The following DYNC1I1 variants were observed in gnomAD, a reference collection of about 807,000 sequenced individuals.
DYNC1I1 encodes the protein dynein cytoplasmic 1 intermediate chain 1.
A neutral mutation model predicts 86.6 loss-of-function variants in DYNC1I1; 43 were observed. The observed-to-expected ratio is 0.50, with a 90% CI of 0.39 to 0.64. DYNC1I1 has a LOEUF of 0.64. Ranked by LOEUF, DYNC1I1 falls within the 30% of genes least tolerant of loss-of-function variation. The pLI, the probability that DYNC1I1 is intolerant of heterozygous loss-of-function variation, is 0.00. For missense variants in DYNC1I1, 604 were observed against 788.8 expected (o/e 0.77, Z 2.81); for synonymous variants, 262 against 283.7 (o/e 0.92, Z 0.77).
intron 16 of DYNC1I1, among the ~76,000 whole-genome samples, chr7:96,094,203 C>T (rs1009415518): frequency 2.0e-5 from 3 of 152,086 alleles, no homozygotes; most frequent in Non-Finnish European, 4.4e-5. Context: ...AATTCAAACA[C>T]AGTGCCTGAC....
chr7:96,030,098 TGGC>T, intron 11 of DYNC1I1, among the ~76,000 whole-genome samples: 2 of 152,046 alleles, frequency 1.3e-5, no homozygotes, highest in Middle Eastern at 3.2e-3. Flanking sequence ...CTTTCACTAT[TGGC>T]TGACTGATTG....
intron 6 of DYNC1I1, among the ~76,000 whole-genome samples, chr7:95,890,430 G>A (rs537381825): frequency 1.1e-4 from 16 of 152,172 alleles, no homozygotes; most frequent in Middle Eastern, 3.4e-3. Context: ...CCTCCTTGAC[G>A]GTGGAGGGTG....
chr7:95,962,420 C>CCA lies in DYNC1I1; in HGVS notation c.491-15092_491-15091insCA, dbSNP rs1792894992. On this transcript the variant is annotated intron_variant, in intron 6 of 16. Coordinates refer to ENST00000447467, the MANE Select transcript of DYNC1I1 (RefSeq NM_001135556.2). ...ATAATAGCTGCTTCTGTGGGTCTTT[C>CCA]TAGCCCTTTGTTTCTGTGATTATTA... Among the ~76,000 whole-genome samples, 8 of 152,334 alleles carry CCA rather than the reference C, an allele frequency of 5.3e-5. No individual in the cohort carries two copies. The South Asian group carries it at 8.3e-4, about 16-fold the overall frequency.
At chr7:96,088,093 T>C (rs1254547641) in intron 16 of DYNC1I1, among the ~76,000 whole-genome samples, 2 of 152,148 alleles carry the variant, frequency 1.3e-5, no homozygotes, top group African/African-American at 4.8e-5. Context: ...TTGATAATTA[T>C]ATATGTAAAA....
intron 6 of DYNC1I1, among the ~76,000 whole-genome samples, chr7:95,954,690 G>T (rs1439997866): frequency 1.3e-5 from 2 of 152,030 alleles, no homozygotes; most frequent in Admixed American, 6.6e-5. Context: ...GAGGCAGGCG[G>T]ATCACGAGGT....
chr7:95,977,155 G>A (rs543930562), intron 6 of DYNC1I1, among the ~76,000 whole-genome samples: 1 of 152,296 alleles, frequency 6.6e-6, no homozygotes, highest in East Asian at 1.9e-4. Flanking sequence ...TGTGGGAAAT[G>A]TGCTCCAGGT....
At chr7:96,103,161 G>A (rs555793614), downstream of DYNC1I1, among the ~76,000 whole-genome samples, 5 of 152,162 alleles carry the variant, frequency 3.3e-5, no homozygotes, top group African/African-American at 7.2e-5. Context: ...TGTGTGAGCC[G>A]CTGAAAGAAG....
rs370249750 is a variant in DYNC1I1, at chr7:95,979,074, G to A, written c.580+1473G>A. Among the ~76,000 whole-genome samples the A allele has an allele frequency of 7.2e-5, 11 of 152,326 alleles. 1 individual carries two copies. In the South Asian group the frequency reaches 1.7e-3, roughly 23 times the overall value. Reference sequence around the variant, plus strand: ...CTCCCAAAGTGCTGGGATTATAGGCGTGAACCACCACGCCCAGCCACAATT... The same window carrying A: ...CTCCCAAAGTGCTGGGATTATAGGCATGAACCACCACGCCCAGCCACAATT... On this transcript the variant is annotated intron_variant, in intron 7 of 16. Transcript: ENST00000447467.
chr7:95,864,423 T>C (rs1789966864), intron 5 of DYNC1I1, among the ~76,000 whole-genome samples: 2 of 152,226 alleles, frequency 1.3e-5, no homozygotes, highest in African/African-American at 4.8e-5. Context: ...TAGTAAGACC[T>C]GATTTTTCTT....
chr7:95,849,161 C>A (rs913114215), intron 5 of DYNC1I1, among the ~76,000 whole-genome samples: 2 of 152,080 alleles, frequency 1.3e-5, no homozygotes, highest in Non-Finnish European at 2.9e-5. Flanking sequence ...TATTTTCTCC[C>A]ATTTTGTACA....
intron 15 of DYNC1I1, 137 bp from the exon 16 acceptor site, chr7:96,080,226 C>T (rs1442106631): frequency 2.7e-6 from 3 of 1,121,164 alleles, no homozygotes; most frequent in Non-Finnish European, 1.2e-6. Context: ...CCTTTTTCCC[C>T]CCGGCACAAG....
At chr7:95,812,995 A>G (rs1420660455) in intron 3 of DYNC1I1, among the ~76,000 whole-genome samples, 1 of 152,106 alleles carries the variant, frequency 6.6e-6, no homozygotes, top group East Asian at 1.9e-4. Context: ...GTTAGGGTGG[A>G]CATGGCCTCA....
At chr7:95,833,209 C>A (rs1299598148) in intron 5 of DYNC1I1, among the ~76,000 whole-genome samples, 2 of 137,408 alleles carry the variant, frequency 1.5e-5, no homozygotes, top group Non-Finnish European at 3.1e-5. Flanking sequence ...TTTCCCAGCA[C>A]CATTTATTAA....
intron 6 of DYNC1I1, among the ~76,000 whole-genome samples, chr7:95,943,982 A>C (rs1220906134): frequency 1.3e-5 from 2 of 152,200 alleles, no homozygotes; most frequent in Non-Finnish European, 2.9e-5. Flanking sequence ...TTCATGTCTA[A>C]AACACCAAAA....
At chr7:96,026,998 C>A (rs184746865) in intron 10 of DYNC1I1, among the ~76,000 whole-genome samples, 2 of 152,212 alleles carry the variant, frequency 1.3e-5, no homozygotes, top group Non-Finnish European at 2.9e-5. Flanking sequence ...CAAAGGGACA[C>A]GTGGGGATGA....
intron 14 of DYNC1I1, among the ~76,000 whole-genome samples, chr7:96,048,024 G>A (rs1305643119): frequency 1.3e-5 from 2 of 152,042 alleles, no homozygotes; most frequent in Non-Finnish European, 2.9e-5. Flanking sequence ...GGGAGAAGGA[G>A]GAAAGAAGAG....
At chr7:95,982,142 T>C (rs1294316789) in intron 7 of DYNC1I1, among the ~76,000 whole-genome samples, 1 of 152,152 alleles carries the variant, frequency 6.6e-6, no homozygotes, top group Non-Finnish European at 1.5e-5. Flanking sequence ...TGGGTGGTTT[T>C]GTTTATTTAA....
chr7:95,998,760 T>C (rs956008360), intron 10 of DYNC1I1, among the ~76,000 whole-genome samples: 5 of 152,206 alleles, frequency 3.3e-5, no homozygotes, highest in African/African-American at 1.2e-4. Context: ...CTCTGCTGAT[T>C]CTTCATATTT....
intron 5 of DYNC1I1, among the ~76,000 whole-genome samples, chr7:95,862,497 A>G (rs1209564620): frequency 1.3e-5 from 2 of 152,202 alleles, no homozygotes; most frequent in Admixed American, 1.3e-4. Flanking sequence ...ATCAAAACCA[A>G]AGTGAGATAT....
Sources: allele counts gnomAD v4.1 joint callset (sites outside exome capture counted in the v4.1 genomes callset), GRCh38; gene constraint gnomAD v4.1.1; transcripts MANE v1.5; gene names NCBI Gene and HGNC (gene_info 2026-07-23, HGNC 2026-07-21).